Variants in PLOD2 observed in about 807,000 individuals in gnomAD.
PLOD2 encodes lysine hydroxylase 2.
In PLOD2, 65 loss-of-function variants were observed where a neutral mutation model predicts 101.0. The ratio of observed to expected loss-of-function variants is 0.64; its 90% CI spans 0.53 to 0.79. The LOEUF (loss-of-function observed/expected upper bound fraction) is 0.79. Ranked by LOEUF, PLOD2 falls within the 30% of genes least tolerant of loss-of-function variation. PLOD2 has a pLI of 0.00. For synonymous variants in PLOD2, 314 were observed against 302.9 expected (o/e 1.04, Z -0.38); for missense variants, 909 against 914.6 (o/e 0.99, Z 0.08).
At chr3:146,126,334 G>GA (rs1229711017) in intron 1 of PLOD2, among the ~76,000 whole-genome samples, 2 of 135,722 alleles carry the variant, frequency 1.5e-5, no homozygotes, top group African/African-American at 5.6e-5. Context: ...ACTATGATAA[G>GA]AAAAAAATCT....
chr3:146,159,400 A>G (rs7628210), intron 1 of PLOD2, among the ~76,000 whole-genome samples: 1 of 152,218 alleles, frequency 6.6e-6, no homozygotes, highest in Non-Finnish European at 1.5e-5. Context: ...GTCCTCTATT[A>G]AAAAGTTAGG....
At chr3:146,092,362 C>T (rs957822029) in intron 7 of PLOD2, among the ~76,000 whole-genome samples, 4 of 151,892 alleles carry the variant, frequency 2.6e-5, no homozygotes, top group Non-Finnish European at 4.4e-5. Flanking sequence ...ACTAACACAA[C>T]GCCACACAAA....
At chr3:146,087,361 T>A (rs1936816182) in intron 9 of PLOD2, among the ~76,000 whole-genome samples, 2 of 151,736 alleles carry the variant, frequency 1.3e-5, no homozygotes, top group Non-Finnish European at 2.9e-5. Flanking sequence ...ACTTAAATAA[T>A]CACATTTTAC....
intron 1 of PLOD2, among the ~76,000 whole-genome samples, chr3:146,141,018 A>G (rs2031497013): frequency 2.0e-5 from 3 of 152,002 alleles, no homozygotes; most frequent in Admixed American, 6.6e-5. Context: ...ACTGCCCCCT[A>G]ATAAGTTTTA....
Position 146,077,860 on chromosome 3 carries a change from AC to A in PLOD2, c.1563+1del, listed in dbSNP as rs773797392. 4 of 1,549,168 alleles carry A rather than the reference AC, an allele frequency of 2.6e-6. No homozygotes were observed. In the South Asian group the frequency reaches 3.5e-5, roughly 14 times the overall value. On this transcript the variant is annotated splice_donor_variant, in intron 14 of 19. Coordinates refer to ENST00000282903, the MANE Select transcript of PLOD2 (RefSeq NM_182943.3). LOFTEE classifies it high-confidence loss of function. ...AATAAATAAAATAAGTAAAAATAAC[AC>A]CTTTGGGGGGCTGAGCATTTGGAAT...
intron 1 of PLOD2, among the ~76,000 whole-genome samples, chr3:146,139,551 G>A (rs1443039979): frequency 6.6e-6 from 1 of 152,068 alleles, no homozygotes; most frequent in Non-Finnish European, 1.5e-5. Flanking sequence ...TGGATTAAGG[G>A]TTTTATTATG....
intron 1 of PLOD2, among the ~76,000 whole-genome samples, chr3:146,129,798 G>A (rs1416001017): frequency 3.9e-5 from 6 of 152,134 alleles, no homozygotes; most frequent in Admixed American, 3.9e-4. Flanking sequence ...AGTTTAGCAA[G>A]TAACTCTAGA....
rs755321685 is a variant in PLOD2, at chr3:146,091,871, G to A, written c.808C>T (p.Pro270Ser). ...CCATTATCCTGTGTCCATGAATTGG[G>A]TACATAGTTTCCAAAATAATTCAGG... ...ILLNYFGNYV[P>S]NSWTQDNGCT... The change falls in exon 8 of 20, where the codon CCC (proline) becomes TCC (serine). Residue 270 changes from proline (P) to serine (S), a missense_variant. By Grantham distance (74) the Pro-to-Ser change is moderately conservative. Transcript: ENST00000282903. 1.4e-5 allele frequency: 22 copies of A among 1,601,592 alleles called. No individual in the cohort carries two copies. The highest frequency in any genetic ancestry group is 1.8e-5 in the Non-Finnish European group (21 of 1,169,034).
chr3:146,096,891 A>AGG (rs1203412498), intron 7 of PLOD2, among the ~76,000 whole-genome samples: 4 of 74,546 alleles, frequency 5.4e-5, no homozygotes, highest in Non-Finnish European at 1.0e-4. Context: ...GGGGGGGGGG[A>AGG]GTCGGCCAGC....
At chr3:146,137,333 T>C (rs531595055) in intron 1 of PLOD2, among the ~76,000 whole-genome samples, 1 of 152,244 alleles carries the variant, frequency 6.6e-6, no homozygotes, top group East Asian at 1.9e-4. Flanking sequence ...TTCAATTAGC[T>C]CCCACTGTTT....
intron 7 of PLOD2, among the ~76,000 whole-genome samples, chr3:146,097,806 T>TAA (rs1369036899): frequency 8.0e-6 from 1 of 125,062 alleles, no homozygotes; most frequent in Non-Finnish European, 1.8e-5. Flanking sequence ...AAAAAAAAAA[T>TAA]AATAATAATA....
At chr3:146,155,861 A>G (rs530554258) in intron 1 of PLOD2, among the ~76,000 whole-genome samples, 96 of 152,320 alleles carry the variant, frequency 6.3e-4, no homozygotes, top group Admixed American at 1.8e-3. Flanking sequence ...TTCTCAGTTT[A>G]GCCTAATTTA....
chr3:146,129,446 A>T (rs2030774058), intron 1 of PLOD2, among the ~76,000 whole-genome samples: 1 of 152,214 alleles, frequency 6.6e-6, no homozygotes. Flanking sequence ...CTGAAGGCAA[A>T]GTAAAGCTTA....
At chr3:146,085,961 A>G (rs1163942739) in intron 10 of PLOD2, 2 of 152,248 alleles carry the variant, frequency 1.3e-5, no homozygotes, top group Admixed American at 6.5e-5. Context: ...ACCAGACAGA[A>G]GCACTAGGTA....
At chr3:146,096,590 G>A (rs1318992517) in intron 7 of PLOD2, among the ~76,000 whole-genome samples, 9 of 90,914 alleles carry the variant, frequency 9.9e-5, no homozygotes, top group Admixed American at 3.0e-4. Flanking sequence ...TGTCTGGGAG[G>A]TGAGGAGTGT....
chr3:146,145,509 C>T (rs1189050219), intron 1 of PLOD2, among the ~76,000 whole-genome samples: 1 of 152,104 alleles, frequency 6.6e-6, no homozygotes, highest in Non-Finnish European at 1.5e-5. Context: ...ATGCAAGATA[C>T]TCCTCTGTAG....
chr3:146,075,955 C>T (rs531317977), intron 15 of PLOD2: 1 of 151,620 alleles, frequency 6.6e-6, no homozygotes, highest in South Asian at 2.1e-4. Context: ...ACAATTTCAG[C>T]TTTTGGATTC....
chr3:146,131,467 G>A (rs78360007), intron 1 of PLOD2, among the ~76,000 whole-genome samples: 7 of 152,300 alleles, frequency 4.6e-5, no homozygotes, highest in African/African-American at 7.2e-5. Context: ...ACTCAGAGGC[G>A]AAGCTAGAGA....
At chr3:146,153,240 A>T (rs1286835346) in intron 1 of PLOD2, among the ~76,000 whole-genome samples, 1 of 152,236 alleles carries the variant, frequency 6.6e-6, no homozygotes, top group Admixed American at 6.5e-5. Flanking sequence ...TTAGTCTACC[A>T]GCAAACTGTT....
Sources: gnomAD v4.1 joint callset for allele counts (sites outside exome capture counted in the v4.1 genomes callset) on GRCh38, gnomAD v4.1.1 for gene constraint, MANE v1.5 for transcripts, NCBI Gene and HGNC (gene_info 2026-07-23, HGNC 2026-07-21) for gene names.